HK2: variants seen among roughly 807,000 people sequenced by gnomAD.
HK2 encodes hexokinase-2.
In HK2, 42 loss-of-function variants were observed where a neutral mutation model predicts 92.9. The ratio of observed to expected loss-of-function variants is 0.45; its 90% CI spans 0.35 to 0.58. The LOEUF (loss-of-function observed/expected upper bound fraction) is 0.58, where lower values mean the gene tolerates loss of function less well. Ranked by LOEUF, HK2 falls within the 20% of genes least tolerant of loss-of-function variation. HK2 has a pLI of 0.00. For synonymous variants in HK2, 422 were observed against 468.0 expected (o/e 0.90, Z 1.27); for missense variants, 978 against 1,245.1 (o/e 0.79, Z 3.23).
chr2:74,885,224 A>G (rs575373372), intron 12 of HK2, among the ~76,000 whole-genome samples: 1 of 152,356 alleles, frequency 6.6e-6, no homozygotes, highest in East Asian at 1.9e-4. Flanking sequence ...TAAAGTGGCC[A>G]TAAACATGAT....
At chr2:74,866,907 C>G (rs1688961981) in intron 2 of HK2, among the ~76,000 whole-genome samples, 1 of 152,168 alleles carries the variant, frequency 6.6e-6, no homozygotes, top group Non-Finnish European at 1.5e-5. Flanking sequence ...GGACATGGCC[C>G]TCATAATATG....
At chr2:74,884,744 G>T (rs749515000) in intron 12 of HK2, among the ~76,000 whole-genome samples, 1 of 152,202 alleles carries the variant, frequency 6.6e-6, no homozygotes, top group Non-Finnish European at 1.5e-5. Context: ...AAGCCCTGAG[G>T]CTTGTTTCCT....
Position 74,878,820 on chromosome 2 carries a change from C to A in HK2, c.1164C>A (p.Ala388=). 6.4e-7 allele frequency: 1 copy of A among 1,559,912 alleles called. No individual in the cohort carries two copies. Among genetic ancestry groups the A allele is most frequent in the East Asian group, 2.4e-5 (1 of 41,612 alleles). Residue 388 remains alanine (A), a synonymous_variant, in exon 9 of 18, where the codon GCC becomes GCA. Coordinates refer to ENST00000290573, the MANE Select transcript of HK2 (RefSeq NM_000189.5). ...CACGCTCCGCCAGCCTGTGCGCAGC[C>A]ACCCTGGCCGCCGTGCTGCAGCGCA... is the stretch of plus-strand genomic sequence containing the variant. ...VSTRSASLCA[A]TLAAVLQRIK...
chr2:74,847,766 T>C (rs114262130), intron 1 of HK2, among the ~76,000 whole-genome samples: 1 of 152,194 alleles, frequency 6.6e-6, no homozygotes, highest in African/African-American at 2.4e-5. Context: ...AAAGGATAGT[T>C]AGTTCTCTTT....
chr2:74,839,659 A>ATT (rs10675736), intron 1 of HK2, among the ~76,000 whole-genome samples: 5,057 of 143,220 alleles, frequency 0.035, 292 homozygotes, highest in African/African-American at 0.12. Flanking sequence ...GCCAAAGTCA[A>ATT]TTTTTTTTTT....
At chr2:74,855,985 G>T (rs777518626) in intron 2 of HK2, among the ~76,000 whole-genome samples, 5 of 152,168 alleles carry the variant, frequency 3.3e-5, no homozygotes, top group Non-Finnish European at 7.4e-5. Context: ...ATGACGGGTG[G>T]TGGGTGGGGG....
chr2:74,886,686 C>T lies in HK2; in HGVS notation c.2219+13C>T. The T allele has an allele frequency of 6.2e-7, 1 of 1,613,546 alleles. No individual in the cohort carries two copies. The highest frequency in any genetic ancestry group is 8.5e-7 in the Non-Finnish European group (1 of 1,179,710). Reference sequence around the variant, plus strand: ...CCGGCAAGCAGAGGTAGGCACCCAACTGGGGCCCTGTTAAGTGTATCCCAG... The same window carrying T: ...CCGGCAAGCAGAGGTAGGCACCCAATTGGGGCCCTGTTAAGTGTATCCCAG... On this transcript the variant is annotated intron_variant, in intron 15 of 17. Transcript: ENST00000290573.
chr2:74,873,844 G>A lies in HK2; in HGVS notation c.592G>A (p.Asp198Asn). Residue 198 changes from aspartate to asparagine, a missense_variant and splice_region_variant, in exon 6 of 18, where the codon GAC (aspartate) becomes AAC (asparagine). Physicochemically the swap from Asp to Asn is conservative, Grantham distance 23. Around this residue, in one of 3 missense-constraint regions of HK2, gnomAD observed 189 missense variants for 289.5 expected, o/e 0.65. Transcript: ENST00000290573. Reference protein sequence around the residue: ...LIRKAIQRRGDFDIDIVAVVN... With the variant: ...LIRKAIQRRGNFDIDIVAVVN... ...AGAGCCCTCCCATTTGTCTCCACAG[G>A]ACTTTGATATCGACATTGTGGCTGT... 6.2e-7 allele frequency: 1 copy of A among 1,612,920 alleles called. No individual in the cohort carries two copies. The highest frequency in any genetic ancestry group is 1.1e-5 in the South Asian group (1 of 91,032).
In HK2 at chr2:74,887,983, T is replaced by A. The variant is rs1689580518; in HGVS notation, c.2300T>A (p.Leu767His). The A allele has an allele frequency of 6.2e-7, 1 of 1,614,050 alleles. No homozygotes were observed. The highest frequency in any genetic ancestry group is 8.5e-7 in the Non-Finnish European group (1 of 1,180,014). ...ATCGATTTCACCAAGCGTGGACTAC[T>A]CTTCCGAGGCCGCATCTCAGAGCGG... ...ILIDFTKRGLLFRGRISERLK... is the reference protein window; with the variant it reads ...ILIDFTKRGLHFRGRISERLK... Residue 767 changes from leucine to histidine, a missense_variant, in exon 16 of 18, where the codon CTC (leucine) becomes CAC (histidine). Around this residue, in one of 3 missense-constraint regions of HK2, gnomAD observed 742 missense variants for 922.5 expected, o/e 0.80. Transcript: ENST00000290573.
rs182752543 is a variant in HK2, at chr2:74,862,555, C to T, written c.227-5081C>T. 2.6e-5 allele frequency among the ~76,000 whole-genome samples: 4 copies of T among 152,296 alleles called. No individual in the cohort carries two copies. In the East Asian group the frequency reaches 7.7e-4, roughly 29 times the overall value. ...ATAAAGGGAGACCGGGCTGGTGATACGTTGCATGGAAGCTGGTTAAACCTG... is the reference window on the plus strand; with the variant it reads ...ATAAAGGGAGACCGGGCTGGTGATATGTTGCATGGAAGCTGGTTAAACCTG... On this transcript the variant is annotated intron_variant, in intron 2 of 17. Transcript: ENST00000290573.
chr2:74,861,415 GA>G (rs199689093), intron 2 of HK2, among the ~76,000 whole-genome samples: 331 of 134,280 alleles, frequency 2.5e-3, no homozygotes, highest in Middle Eastern at 3.7e-3. Flanking sequence ...GTGAGACTCC[GA>G]AAAAAAAAAA....
In HK2 at chr2:74,877,365, G is replaced by A. The variant is rs762961790; in HGVS notation, c.1031+44G>A. ...CCCTCTATTTGCTGGATCACCACAC[G>A]AGTTGACGGGTAGTTGGGGAATGAG... On this transcript the variant is annotated intron_variant, in intron 8 of 17. Transcript: ENST00000290573. 4 of 1,608,712 alleles carry A rather than the reference G, an allele frequency of 2.5e-6. No homozygotes were observed. The South Asian group carries it at 4.4e-5, about 18-fold the overall frequency.
rs185048103 is a variant in HK2, at chr2:74,870,751, G to T, written c.376-1549G>T. On this transcript the variant is annotated intron_variant, in intron 3 of 17. Transcript: ENST00000290573. ...TAAAATACTTGAACTCTGTTCAAGGGAGTTGGCTCACCTGCACTGGTGATC... is the reference window on the plus strand; with the variant it reads ...TAAAATACTTGAACTCTGTTCAAGGTAGTTGGCTCACCTGCACTGGTGATC... Among the ~76,000 whole-genome samples the T allele has an allele frequency of 1.9e-3, 285 of 152,246 alleles. 1 individual carries two copies. The highest frequency in any genetic ancestry group is 6.6e-3 in the African/African-American group (276 of 41,526).
chr2:74,853,565 A>AC (rs1688621581), intron 1 of HK2, among the ~76,000 whole-genome samples: 2 of 143,736 alleles, frequency 1.4e-5, no homozygotes, highest in South Asian at 2.3e-4. Flanking sequence ...AACAACAACA[A>AC]AATTAGCCAG....
intron 9 of HK2, among the ~76,000 whole-genome samples, chr2:74,879,862 G>A (rs1689338039): frequency 6.6e-6 from 1 of 152,218 alleles, no homozygotes; most frequent in Non-Finnish European, 1.5e-5. Context: ...AGTGAAATGA[G>A]TGATAGAACA....
At chr2:74,875,431 C>T (rs538461586) in intron 7 of HK2, among the ~76,000 whole-genome samples, 109 of 148,542 alleles carry the variant, frequency 7.3e-4, no homozygotes, top group South Asian at 5.9e-3. Flanking sequence ...CGGGTTCAAG[C>T]GATTCTCCTA....
rs988217324 is a variant in HK2, at chr2:74,866,472, C to T, written c.227-1164C>T. ...GTCACCTGCGGATGCGCCTTGCCTG[C>T]TCCGCCAGCCCCTGCCCTGCTGCAG... is the stretch of plus-strand genomic sequence containing the variant. On this transcript the variant is annotated intron_variant, in intron 2 of 17. Transcript: ENST00000290573. Among the ~76,000 whole-genome samples, 2 of 152,200 alleles carry T rather than the reference C, an allele frequency of 1.3e-5. 1 individual carries two copies. The highest frequency in any genetic ancestry group is 4.8e-5 in the African/African-American group (2 of 41,418).
chr2:74,890,811 T>C lies in HK2; in HGVS notation c.2624T>C (p.Met875Thr), dbSNP rs1245782640. ...ACCTTTTCCAGCTTTGCCAAAGTCA[T>C]GCATGAGACAGTGAAGGACCTGGCT... Reference protein sequence around the residue: ...YKLHPHFAKVMHETVKDLAPK... With the variant: ...YKLHPHFAKVTHETVKDLAPK... The change falls in exon 18 of 18, where the codon ATG becomes ACG. Residue 875 changes from methionine to threonine, a missense_variant. By Grantham distance (81) the Met-to-Thr change is moderately conservative. Transcript: ENST00000290573. 6.2e-7 allele frequency: 1 copy of C among 1,614,202 alleles called. No homozygotes were observed. Among genetic ancestry groups the C allele is most frequent in the Non-Finnish European group, 8.5e-7 (1 of 1,180,026 alleles).
rs28362992 is a variant in HK2, at chr2:74,867,619, C to G, written c.227-17C>G. ...AATTTTGCCCAAAATTAATAGTGGC[C>G]CTTCCTTTCTCTGCAGAACACGGAG... On this transcript the variant is annotated splice_polypyrimidine_tract_variant and intron_variant, in intron 2 of 17. Transcript: ENST00000290573. 4 of 1,612,128 alleles carry G rather than the reference C, an allele frequency of 2.5e-6. No individual in the cohort carries two copies. The highest frequency in any genetic ancestry group is 3.4e-6 in the Non-Finnish European group (4 of 1,179,872).
Sources: gnomAD v4.1 joint callset for allele counts (sites outside exome capture counted in the v4.1 genomes callset) on GRCh38, gnomAD v4.1.1 for gene constraint, gnomAD v4.1.1 regional missense constraint, MANE v1.5 for transcripts, NCBI Gene and HGNC (gene_info 2026-07-23, HGNC 2026-07-21) for gene names.